The following PRKN variants were observed in gnomAD, a reference collection of about 807,000 sequenced individuals.
The protein encoded by PRKN is E3 ubiquitin-protein ligase parkin.
PRKN carries 56 observed loss-of-function variants against 59.5 expected under a neutral mutation model. The observed-to-expected ratio is 0.94, with a 90% confidence interval of 0.76 to 1.18. PRKN has a LOEUF of 1.18. Ranked by LOEUF, PRKN falls within the 50% of genes most tolerant of loss-of-function variation. The pLI is 0.00. For missense variants in PRKN, 657 were observed against 596.4 expected (o/e 1.10, Z -1.06); for synonymous variants, 250 against 222.1 (o/e 1.13, Z -1.12).
intron 2 of PRKN, among the ~76,000 whole-genome samples, chr6:162,272,868 C>G (rs903249871): frequency 6.6e-6 from 1 of 151,306 alleles, no homozygotes; most frequent in Admixed American, 6.6e-5. Flanking sequence ...TGTGGTTGTG[C>G]GTGCCTGTAA....
chr6:162,692,339 G>C (rs1035753334), intron 1 of PRKN, among the ~76,000 whole-genome samples: 1 of 152,072 alleles, frequency 6.6e-6, no homozygotes, highest in African/African-American at 2.4e-5. Flanking sequence ...CAAGCTCCTG[G>C]GATATAACCT....
At chr6:162,167,284 A>G (rs1301999608) in intron 4 of PRKN, among the ~76,000 whole-genome samples, 1 of 152,214 alleles carries the variant, frequency 6.6e-6, no homozygotes, top group Non-Finnish European at 1.5e-5. Flanking sequence ...AACTATTGTC[A>G]GTTGTTACAT....
At chr6:161,494,379 C>A (rs979628860) in intron 9 of PRKN, among the ~76,000 whole-genome samples, 1 of 152,194 alleles carries the variant, frequency 6.6e-6, no homozygotes, top group Admixed American at 6.5e-5. Context: ...CAGGTGTCCA[C>A]GTCAGCTGAG....
chr6:161,891,759 AGT>A (rs1426106990), intron 6 of PRKN, among the ~76,000 whole-genome samples: 1 of 152,190 alleles, frequency 6.6e-6, no homozygotes, highest in Non-Finnish European at 1.5e-5. Context: ...AAAGATGTAG[AGT>A]GTCTGAGCCA....
At chr6:161,674,635 T>C (rs901003227) in intron 7 of PRKN, among the ~76,000 whole-genome samples, 9 of 152,116 alleles carry the variant, frequency 5.9e-5, no homozygotes, top group South Asian at 4.1e-4. Flanking sequence ...ATTGTGGGGG[T>C]TGGGCTTCTA....
chr6:161,659,536 G>T (rs1257324431), intron 7 of PRKN, among the ~76,000 whole-genome samples: 4 of 152,176 alleles, frequency 2.6e-5, no homozygotes, highest in Admixed American at 6.5e-5. Context: ...GTGTGGGGCA[G>T]ATAAGGCCAG....
Position 161,874,387 on chromosome 6 carries a change from A to G in PRKN, c.735-88479T>C, listed in dbSNP as rs1203764659. On this transcript the variant is annotated intron_variant, in intron 6 of 11. Coordinates refer to ENST00000366898, the MANE Select transcript of PRKN (RefSeq NM_004562.3). ...ATGTAAAATATTATATATAAAATAT[A>G]TATTATATGTAAAATATTATATATA... Among the ~76,000 whole-genome samples, 39 of 88,990 alleles carry G rather than the reference A, an allele frequency of 4.4e-4. 5 individuals are homozygous for G. The highest frequency in any genetic ancestry group is 2.2e-3 in the African/African-American group (39 of 17,746). The allele number at this position is 88,990 out of a possible 152,430, so 58.4% of individuals were successfully genotyped here.
At chr6:161,626,287 C>T (rs1783085674) in intron 7 of PRKN, among the ~76,000 whole-genome samples, 1 of 152,152 alleles carries the variant, frequency 6.6e-6, no homozygotes, top group African/African-American at 2.4e-5. Context: ...CTCTCTACTA[C>T]ACTTACCAAA....
chr6:162,146,172 A>G (rs546861776), intron 4 of PRKN, among the ~76,000 whole-genome samples: 1 of 152,200 alleles, frequency 6.6e-6, no homozygotes, highest in Non-Finnish European at 1.5e-5. Flanking sequence ...CTTTTTCTAT[A>G]TAGCACCCAC....
chr6:162,538,006 A>G (rs1778787448), intron 1 of PRKN, among the ~76,000 whole-genome samples: 1 of 152,206 alleles, frequency 6.6e-6, no homozygotes, highest in Non-Finnish European at 1.5e-5. Context: ...TTTTGTTTTG[A>G]TACTGGTATA....
intron 3 of PRKN, among the ~76,000 whole-genome samples, chr6:162,221,586 C>G (rs1777937884): frequency 6.6e-6 from 1 of 152,128 alleles, no homozygotes; most frequent in African/African-American, 2.4e-5. Context: ...CTCAACTGCT[C>G]CAAAATCGTC....
chr6:161,658,643 T>TG (rs1239017046), intron 7 of PRKN, among the ~76,000 whole-genome samples: 4 of 152,168 alleles, frequency 2.6e-5, no homozygotes, highest in African/African-American at 7.2e-5. Flanking sequence ...CTTGGGGACA[T>TG]GCGAAATAAT....
intron 7 of PRKN, among the ~76,000 whole-genome samples, chr6:161,778,932 T>C (rs1790071595): frequency 6.6e-6 from 1 of 152,150 alleles, no homozygotes; most frequent in African/African-American, 2.4e-5. Context: ...ATACGTATTA[T>C]TAATATATGT....
intron 7 of PRKN, among the ~76,000 whole-genome samples, chr6:161,610,350 C>T (rs1034038263): frequency 1.3e-5 from 2 of 151,974 alleles, no homozygotes; most frequent in African/African-American, 4.8e-5. Context: ...TCAGCACCAC[C>T]AAAATACGTA....
chr6:162,135,785 TC>T (rs1781540485), intron 4 of PRKN, among the ~76,000 whole-genome samples: 1 of 152,168 alleles, frequency 6.6e-6, no homozygotes, highest in African/African-American at 2.4e-5. Flanking sequence ...ATTTTCAGTC[TC>T]CTTTTCTGAC....
intron 1 of PRKN, among the ~76,000 whole-genome samples, chr6:162,496,728 A>G (rs371351077): frequency 1.3e-5 from 2 of 152,326 alleles, no homozygotes; most frequent in African/African-American, 4.8e-5. Flanking sequence ...CTATGTGACA[A>G]AGCTGTAGAG....
At chr6:161,662,396 C>T (rs528686224) in intron 7 of PRKN, among the ~76,000 whole-genome samples, 77 of 152,158 alleles carry the variant, frequency 5.1e-4, no homozygotes, top group African/African-American at 1.7e-3. Flanking sequence ...TTTGTTGTTT[C>T]GAGGGATGGT....
chr6:161,981,594 TA>T (rs1435109747), intron 5 of PRKN, among the ~76,000 whole-genome samples: 2 of 152,140 alleles, frequency 1.3e-5, no homozygotes, highest in African/African-American at 4.8e-5. Flanking sequence ...ACCTAATACA[TA>T]AAAAAAGCCT....
intron 6 of PRKN, among the ~76,000 whole-genome samples, chr6:161,805,422 T>A (rs1197035049): frequency 6.6e-6 from 1 of 150,952 alleles, no homozygotes; most frequent in Admixed American, 6.7e-5. Flanking sequence ...TAGGGAGCCC[T>A]CCTTCTGTGG....
Sources: allele counts gnomAD v4.1 joint callset (sites outside exome capture counted in the v4.1 genomes callset), GRCh38; gene constraint gnomAD v4.1.1; transcripts MANE v1.5; gene names NCBI Gene and HGNC (gene_info 2026-07-23, HGNC 2026-07-21).